FGD4: variants seen among roughly 807,000 people sequenced by gnomAD.
FGD4 encodes the protein FYVE, RhoGEF and PH domain-containing protein 4.
In FGD4, 42 loss-of-function variants were observed where a neutral mutation model predicts 102.0. That is an observed-to-expected ratio of 0.41 (90% CI 0.32 to 0.53). FGD4 has a LOEUF of 0.53. Ranked by LOEUF, FGD4 falls within the 20% of genes least tolerant of loss-of-function variation. FGD4 has a pLI of 0.21. For missense variants in FGD4, 902 were observed against 1,078.2 expected, an observed-to-expected ratio of 0.84 and a Z score of 2.29; for synonymous variants, 380 against 375.7, an observed-to-expected ratio of 1.01 and a Z score of -0.13.
rs142822404 is a variant in FGD4, at chr12:32,417,337, C to G, written c.166+17378C>G. On this transcript the variant is annotated intron_variant, in intron 1 of 16. Transcript: ENST00000534526. ...TTAAAGGATATTTTTGCTGGATACA[C>G]TATTCTAGGGTAAATTTTTTTTTTC... 4.8e-3 allele frequency among the ~76,000 whole-genome samples: 726 copies of G among 152,166 alleles called. 4 individuals carry two copies. The highest frequency in any genetic ancestry group is 0.013 in the African/African-American group (538 of 41,508).
chr12:32,605,140 T>C (rs913151875), intron 7 of FGD4, among the ~76,000 whole-genome samples: 4 of 151,518 alleles, frequency 2.6e-5, no homozygotes, highest in South Asian at 2.1e-4. Flanking sequence ...GGTTTCGCCA[T>C]GTTGGCCAGG....
intron 2 of FGD4, among the ~76,000 whole-genome samples, chr12:32,569,977 T>G (rs1055668755): frequency 2.6e-5 from 4 of 152,126 alleles, no homozygotes; most frequent in African/African-American, 9.7e-5. Context: ...GCGTGGTGGC[T>G]CACGCCTGTA....
At chr12:32,533,363 G>A (rs541680736) in intron 1 of FGD4, among the ~76,000 whole-genome samples, 1 of 152,332 alleles carries the variant, frequency 6.6e-6, no homozygotes, top group African/African-American at 2.4e-5. Flanking sequence ...CAGTGAGGGA[G>A]AATGTCTGTA....
chr12:32,446,306 G>A (rs377546601), intron 1 of FGD4, among the ~76,000 whole-genome samples: 1 of 152,038 alleles, frequency 6.6e-6, no homozygotes, highest in South Asian at 2.1e-4. Flanking sequence ...TGCACTGCTA[G>A]GGTCTGAGTG....
intron 1 of FGD4, among the ~76,000 whole-genome samples, chr12:32,427,569 T>TTAGGTCTGTA (rs1941887580): frequency 6.6e-6 from 1 of 152,352 alleles, no homozygotes; most frequent in South Asian, 2.1e-4. Flanking sequence ...GTTCTGTAGA[T>TTAGGTCTGTA]GTCTATTAGG....
chr12:32,543,107 A>G (rs1339624500), intron 1 of FGD4, among the ~76,000 whole-genome samples: 1 of 152,216 alleles, frequency 6.6e-6, no homozygotes, highest in African/African-American at 2.4e-5. Flanking sequence ...TGAACTCCTC[A>G]TCAGATTTAA....
intron 4 of FGD4, among the ~76,000 whole-genome samples, chr12:32,584,541 A>G (rs1946852502): frequency 6.6e-6 from 1 of 152,128 alleles, no homozygotes; most frequent in Non-Finnish European, 1.5e-5. Flanking sequence ...TGTTTAGTGA[A>G]AGCATCTAAA....
intron 2 of FGD4, 144 bp downstream of exon 2, chr12:32,564,433 TGCATCTTCTCAG>T (rs1318580559): frequency 9.6e-7 from 1 of 1,042,438 alleles, no homozygotes; most frequent in African/African-American, 1.6e-5. Flanking sequence ...AGTCCATCTG[TGCATCTTCTCAG>T]GCAGAGGTTG....
intron 1 of FGD4, among the ~76,000 whole-genome samples, chr12:32,431,297 G>C (rs980411714): frequency 2.6e-5 from 4 of 152,104 alleles, no homozygotes; most frequent in Admixed American, 1.3e-4. Context: ...CGGCAATTGC[G>C]TGTATCACTG....
intron 3 of FGD4, among the ~76,000 whole-genome samples, chr12:32,578,702 C>T (rs763083873): frequency 5.3e-5 from 8 of 151,844 alleles, no homozygotes; most frequent in Non-Finnish European, 7.4e-5. Context: ...TGGTGGTGCA[C>T]GCCTGTGGTC....
intron 4 of FGD4, among the ~76,000 whole-genome samples, chr12:32,591,816 A>G (rs1166793052): frequency 6.6e-6 from 1 of 152,202 alleles, no homozygotes; most frequent in East Asian, 1.9e-4. Flanking sequence ...ACCAGGCCGA[A>G]CCTAAGCCCA....
intron 1 of FGD4, among the ~76,000 whole-genome samples, chr12:32,525,637 G>A (rs896020036): frequency 1.3e-5 from 2 of 152,214 alleles, no homozygotes; most frequent in African/African-American, 4.8e-5. Context: ...GGCCAAGGCC[G>A]GAGCCCACTC....
At position 32,560,753 on chromosome 12, in the gene FGD4, T is replaced by A. The variant is rs141591097; in HGVS notation, c.167-3384T>A. Among the ~76,000 whole-genome samples, 28 of 151,986 alleles carry A rather than the reference T, an allele frequency of 1.8e-4. No homozygotes were observed. In the East Asian group the frequency reaches 5.4e-3, roughly 29 times the overall value. Reference sequence around the variant, plus strand: ...TGTTGACCAGGCTGGAGTGCAGTGGTGTGATTATAGCTCACTGCTTCCTCA... The same window carrying A: ...TGTTGACCAGGCTGGAGTGCAGTGGAGTGATTATAGCTCACTGCTTCCTCA... On this transcript the variant is annotated intron_variant, in intron 1 of 16. Coordinates refer to ENST00000534526, the MANE Select transcript of FGD4 (RefSeq NM_001370298.3).
At position 32,506,575 on chromosome 12, in the gene FGD4, G is replaced by A. The variant is rs1238552114; in HGVS notation, c.167-57562G>A. ...GGGCCTTTCCACAGGTATACGACCC[G>A]CACTTGCATACTTAATCTCCCTTTC... On this transcript the variant is annotated intron_variant, in intron 1 of 16. Transcript: ENST00000534526. This position sits in a 1 kb window ranked among gnomAD's most constrained non-coding sequence, Gnocchi z 4.5. 6.6e-6 allele frequency among the ~76,000 whole-genome samples: 1 copy of A among 152,060 alleles called. No homozygotes were observed. The highest frequency in any genetic ancestry group is 2.4e-5 in the African/African-American group (1 of 41,392).
At chr12:32,559,325 C>T (rs1944355902) in intron 1 of FGD4, among the ~76,000 whole-genome samples, 1 of 152,176 alleles carries the variant, frequency 6.6e-6, no homozygotes, top group Admixed American at 6.6e-5. Flanking sequence ...TTTGTTTAAC[C>T]TATACCAGTG....
intron 13 of FGD4, 51 bp downstream of exon 13, chr12:32,625,119 G>A (rs773946766): frequency 1.0e-4 from 147 of 1,455,904 alleles, no homozygotes; most frequent in Non-Finnish European, 1.2e-4. Context: ...CTTTGCAGGT[G>A]TAGAAGATCT....
At chr12:32,550,628 G>A (rs547866388) in intron 1 of FGD4, among the ~76,000 whole-genome samples, 19 of 136,022 alleles carry the variant, frequency 1.4e-4, no homozygotes, top group African/African-American at 5.1e-4. Flanking sequence ...CCATGACAGT[G>A]CCACTGCACT....
intron 1 of FGD4, among the ~76,000 whole-genome samples, chr12:32,514,273 AGGCAAGAAAT>A (rs755623597): frequency 1.3e-5 from 2 of 152,230 alleles, no homozygotes; most frequent in Non-Finnish European, 2.9e-5. Context: ...ATGAATGTTG[AGGCAAGAAAT>A]GGCCATAAGA....
intron 1 of FGD4, among the ~76,000 whole-genome samples, chr12:32,495,185 T>C (rs1398169303): frequency 6.6e-6 from 1 of 152,150 alleles, no homozygotes; most frequent in East Asian, 1.9e-4. Flanking sequence ...ATATTATGCC[T>C]GTTTATTTCT....
Sources: gnomAD v4.1 joint callset for allele counts (sites outside exome capture counted in the v4.1 genomes callset) on GRCh38, gnomAD v4.1.1 for gene constraint, Gnocchi (gnomAD v3.1) non-coding constraint, MANE v1.5 for transcripts, NCBI Gene and HGNC (gene_info 2026-07-23, HGNC 2026-07-21) for gene names.